LPP: variants seen among roughly 807,000 people sequenced by gnomAD.
LPP encodes the protein LIM domain containing preferred translocation partner in lipoma, also known as lipoma-preferred partner.
LPP carries 38 observed loss-of-function variants against 60.4 expected under a neutral mutation model. The observed-to-expected ratio is 0.63, with a 90% CI of 0.49 to 0.83. LPP has a LOEUF of 0.83. Among genes scored for constraint, LPP ranks in the 40% least tolerant of loss-of-function variants. LPP has a pLI of 0.00. For missense variants in LPP, 902 were observed against 783.6 expected, an observed-to-expected ratio of 1.15 and a Z score of -1.80; for synonymous variants, 328 against 290.8, an observed-to-expected ratio of 1.13 and a Z score of -1.30.
In LPP at chr3:188,486,011, T is replaced by C. The variant is rs925038402; in HGVS notation, c.306+1307T>C. Among the ~76,000 whole-genome samples the C allele has an allele frequency of 5.9e-5, 9 of 152,180 alleles. No homozygotes were observed. In the East Asian group the frequency reaches 1.7e-3, roughly 29 times the overall value. On this transcript the variant is annotated intron_variant, in intron 5 of 11. Coordinates refer to ENST00000617246, the MANE Select transcript of LPP (RefSeq NM_001375462.1). Reference sequence around the variant, plus strand: ...AATATATTGAATTATTGCTCATTAATTTTATCATTTGTTTTACAGTATTAT... The same window carrying C: ...AATATATTGAATTATTGCTCATTAACTTTATCATTTGTTTTACAGTATTAT...
At chr3:188,582,154 C>CTTTTTTTTTTTTTTTTTTT (rs10565240) in intron 6 of LPP, among the ~76,000 whole-genome samples, 2 of 102,230 alleles carry the variant, frequency 2.0e-5, no homozygotes, top group Admixed American at 1.1e-4. Context: ...TTTTCTTTTT[C>CTTTTTTTTTTTTTTTTTTT]TTTTTTTTTT....
chr3:188,404,434 C>T (rs1001156222), intron 3 of LPP, among the ~76,000 whole-genome samples: 1 of 152,028 alleles, frequency 6.6e-6, no homozygotes, highest in African/African-American at 2.4e-5. Flanking sequence ...TTGTAGAGAC[C>T]GAGTCTCATT....
intron 6 of LPP, among the ~76,000 whole-genome samples, chr3:188,540,657 A>G (rs563659369): frequency 6.6e-6 from 1 of 152,330 alleles, no homozygotes; most frequent in South Asian, 2.1e-4. Context: ...CAGGATTGTA[A>G]TGAGGACTAA....
chr3:188,752,266 G>C (rs1026929514), intron 8 of LPP, among the ~76,000 whole-genome samples: 1 of 152,148 alleles, frequency 6.6e-6, no homozygotes, highest in African/African-American at 2.4e-5. Context: ...TTTGTTGAGG[G>C]ATTGACAGAA....
intron 2 of LPP, among the ~76,000 whole-genome samples, chr3:188,230,048 A>G (rs2149354678): frequency 6.6e-6 from 1 of 152,318 alleles, no homozygotes; most frequent in Middle Eastern, 3.4e-3. Flanking sequence ...TAGTTAGGGA[A>G]AAAGACAAAC....
intron 7 of LPP, among the ~76,000 whole-genome samples, chr3:188,622,897 G>T (rs1041054995): frequency 6.6e-6 from 1 of 151,822 alleles, no homozygotes; most frequent in Non-Finnish European, 1.5e-5. Context: ...GCGTGGTGGC[G>T]CATGCCTGTA....
intron 6 of LPP, among the ~76,000 whole-genome samples, chr3:188,543,799 A>G (rs1407554466): frequency 1.3e-5 from 2 of 152,238 alleles, no homozygotes; most frequent in African/African-American, 4.8e-5. Flanking sequence ...ATTAGCCCAC[A>G]CTAAGAAAGA....
At chr3:188,715,977 A>T (rs1405856654) in intron 8 of LPP, among the ~76,000 whole-genome samples, 1 of 152,206 alleles carries the variant, frequency 6.6e-6, no homozygotes, top group Non-Finnish European at 1.5e-5. Context: ...GACATTGTTT[A>T]TATGATATTG....
At chr3:188,347,777 G>T (rs1229548968) in intron 3 of LPP, among the ~76,000 whole-genome samples, 1 of 152,212 alleles carries the variant, frequency 6.6e-6, no homozygotes, top group African/African-American at 2.4e-5. Flanking sequence ...GGGGGGGCCA[G>T]AAGAGTGAAA....
At chr3:188,727,042 A>G (rs1161942899) in intron 8 of LPP, among the ~76,000 whole-genome samples, 1 of 152,176 alleles carries the variant, frequency 6.6e-6, no homozygotes, top group Non-Finnish European at 1.5e-5. Context: ...TCAAGGACAC[A>G]CAGGTAGGTC....
At chr3:188,829,355 G>A (rs1756519527) in intron 9 of LPP, among the ~76,000 whole-genome samples, 1 of 152,076 alleles carries the variant, frequency 6.6e-6, no homozygotes, top group East Asian at 1.9e-4. Flanking sequence ...AAGTTACTAT[G>A]ATCTACAAGG....
intron 4 of LPP, among the ~76,000 whole-genome samples, chr3:188,440,134 T>C (rs1793408212): frequency 6.6e-6 from 1 of 152,196 alleles, no homozygotes; most frequent in Non-Finnish European, 1.5e-5. Context: ...ATCAGAAATG[T>C]CTTCCTTTCT....
intron 7 of LPP, among the ~76,000 whole-genome samples, chr3:188,676,590 G>T (rs549940134): frequency 7.7e-4 from 118 of 152,280 alleles, no homozygotes; most frequent in Non-Finnish European, 1.6e-3. Flanking sequence ...TAAACAAATT[G>T]TGCCAGGGTA....
chr3:188,469,923 T>A (rs2149512771), intron 4 of LPP, among the ~76,000 whole-genome samples: 1 of 152,226 alleles, frequency 6.6e-6, no homozygotes, highest in South Asian at 2.1e-4. Context: ...TATTTCTAAA[T>A]TCAGTAAAAG....
At chr3:188,676,275 A>C in intron 7 of LPP, among the ~76,000 whole-genome samples, 1 of 152,170 alleles carries the variant, frequency 6.6e-6, no homozygotes. Flanking sequence ...CATTGTATTC[A>C]GGTGAAGCTA....
chr3:188,785,478 T>C (rs1271112989), intron 9 of LPP, among the ~76,000 whole-genome samples: 1 of 35,332 alleles, frequency 2.8e-5, no homozygotes, highest in Non-Finnish European at 5.3e-5. Context: ...TTCCATCATA[T>C]ATATATATTC....
At chr3:188,388,477 A>T (rs1578531862) in intron 3 of LPP, among the ~76,000 whole-genome samples, 1 of 152,296 alleles carries the variant, frequency 6.6e-6, no homozygotes, top group South Asian at 2.1e-4. Flanking sequence ...GGCAACTCTG[A>T]TTGAAGGAGG....
Position 188,163,241 on chromosome 3 carries a change from G to A in LPP, c.-190+8989G>A, listed in dbSNP as rs544588450. Among the ~76,000 whole-genome samples the A allele has an allele frequency of 2.6e-5, 4 of 152,300 alleles. No individual in the cohort carries two copies. The South Asian group carries it at 6.2e-4, about 24-fold the overall frequency. ...TCTGTAGTTCAAATGGAAAGCTGGT[G>A]TTGAAGGTGAAACCAGGTCTTCTTC... is the stretch of plus-strand genomic sequence containing the variant. On this transcript the variant is annotated intron_variant, in intron 1 of 11. Transcript: ENST00000617246.
In LPP at chr3:188,260,142, C is replaced by T. The variant is rs190975681; in HGVS notation, c.-67+34615C>T. Reference sequence around the variant, plus strand: ...GCAACCCCTGCCTCCCAGGTTCAAGCGATTCTCCTGCCTTAGCCTCCCAAG... The same window carrying T: ...GCAACCCCTGCCTCCCAGGTTCAAGTGATTCTCCTGCCTTAGCCTCCCAAG... On this transcript the variant is annotated intron_variant, in intron 2 of 11. Coordinates refer to ENST00000617246, the MANE Select transcript of LPP (RefSeq NM_001375462.1). 2.4e-3 allele frequency among the ~76,000 whole-genome samples: 365 copies of T among 152,078 alleles called. 3 individuals carry two copies. Among genetic ancestry groups the T allele is most frequent in the Middle Eastern group, 0.01 (3 of 294 alleles).
Sources: gnomAD v4.1 joint callset for allele counts (sites outside exome capture counted in the v4.1 genomes callset) on GRCh38, gnomAD v4.1.1 for gene constraint, MANE v1.5 for transcripts, NCBI Gene and HGNC (gene_info 2026-07-23, HGNC 2026-07-21) for gene names.